PLEKHM3: variants seen among roughly 807,000 people sequenced by gnomAD.
PLEKHM3 encodes the protein pleckstrin homology domain-containing family M member 3.
PLEKHM3 carries 45 observed loss-of-function variants against 81.8 expected under a neutral mutation model. The observed-to-expected ratio is 0.55, with a 90% CI of 0.43 to 0.71. PLEKHM3 has a LOEUF of 0.71. Among genes scored for constraint, PLEKHM3 ranks in the 30% least tolerant of loss-of-function variants. The pLI is 0.00. For synonymous variants in PLEKHM3, 352 were observed against 356.4 expected (o/e 0.99, Z 0.14); for missense variants, 788 against 924.3 (o/e 0.85, Z 1.91).
At chr2:207,928,420 G>C (rs1458504500) in intron 5 of PLEKHM3, among the ~76,000 whole-genome samples, 1 of 152,170 alleles carries the variant, frequency 6.6e-6, no homozygotes, top group Non-Finnish European at 1.5e-5. Context: ...GCTTTTAAGT[G>C]GAATATTTTA....
chr2:207,909,918 C>A (rs895097921), intron 5 of PLEKHM3, among the ~76,000 whole-genome samples: 1 of 152,158 alleles, frequency 6.6e-6, no homozygotes, highest in Non-Finnish European at 1.5e-5. Context: ...ATTGATTAAG[C>A]ACACATTGCA....
chr2:207,904,211 T>A (rs994322293), intron 6 of PLEKHM3, among the ~76,000 whole-genome samples: 2 of 152,206 alleles, frequency 1.3e-5, no homozygotes, highest in African/African-American at 2.4e-5. Context: ...AGCAGTACCT[T>A]CTGTTAAAGT....
chr2:207,977,778 C>G (rs1574462665), intron 2 of PLEKHM3, among the ~76,000 whole-genome samples, 192 bp from the exon 3 acceptor site: 1 of 152,166 alleles, frequency 6.6e-6, no homozygotes. Context: ...CCGGGGAAAT[C>G]TCGAGTCTAA....
In PLEKHM3 at chr2:207,921,020, C is replaced by G. The variant is rs192097794; in HGVS notation, c.1886+9906G>C. On this transcript the variant is annotated intron_variant, in intron 5 of 7. Coordinates refer to ENST00000427836, the MANE Select transcript of PLEKHM3 (RefSeq NM_001080475.3). ...AGTGTAGCATCTTAGAGTCATAGTT[C>G]CATTCCTTCCCTCCCTCCCTCCTTC... 3.5e-3 allele frequency among the ~76,000 whole-genome samples: 534 copies of G among 151,968 alleles called. 3 individuals carry two copies. Among genetic ancestry groups the G allele is most frequent in the African/African-American group, 0.012 (506 of 41,466 alleles).
chr2:207,974,681 G>A (rs1691241760), intron 3 of PLEKHM3, among the ~76,000 whole-genome samples: 1 of 152,102 alleles, frequency 6.6e-6, no homozygotes, highest in South Asian at 2.1e-4. Flanking sequence ...ATATGTACTA[G>A]TATAAGACAC....
chr2:207,853,079 G>A lies in PLEKHM3; in HGVS notation c.2108+8026C>T, dbSNP rs983932071. 2.6e-5 allele frequency among the ~76,000 whole-genome samples: 4 copies of A among 152,264 alleles called. No homozygotes were observed. The South Asian group carries it at 6.2e-4, about 24-fold the overall frequency. ...TCAACTATTTGTGAGCAAGTAGCAT[G>A]CTGTGTTCACTGTTGTCTCCAGAAC... On this transcript the variant is annotated intron_variant, in intron 7 of 7. Coordinates refer to ENST00000427836, the MANE Select transcript of PLEKHM3 (RefSeq NM_001080475.3).
chr2:207,984,053 T>C (rs1471822439), intron 2 of PLEKHM3, among the ~76,000 whole-genome samples: 1 of 152,166 alleles, frequency 6.6e-6, no homozygotes, highest in East Asian at 1.9e-4. Flanking sequence ...CAACATTTCA[T>C]TACAGAAAGT....
intron 2 of PLEKHM3, among the ~76,000 whole-genome samples, chr2:207,997,227 C>T (rs1008602795): frequency 6.6e-6 from 1 of 152,206 alleles, no homozygotes; most frequent in African/African-American, 2.4e-5. Context: ...CCACAGCCCT[C>T]ATTATACCGG....
At chr2:207,989,689 C>T (rs1044118914) in intron 2 of PLEKHM3, among the ~76,000 whole-genome samples, 1 of 152,170 alleles carries the variant, frequency 6.6e-6, no homozygotes, top group Non-Finnish European at 1.5e-5. Flanking sequence ...ACTGTTGGGG[C>T]CTGAGGAGAC....
At chr2:207,911,928 T>G (rs531436481) in intron 5 of PLEKHM3, among the ~76,000 whole-genome samples, 1 of 152,342 alleles carries the variant, frequency 6.6e-6, no homozygotes, top group African/African-American at 2.4e-5. Flanking sequence ...TTTAAAATTC[T>G]AAAACTTTTA....
intron 1 of PLEKHM3, among the ~76,000 whole-genome samples, chr2:208,019,084 G>T (rs1693029550): frequency 6.6e-6 from 1 of 151,964 alleles, no homozygotes; most frequent in South Asian, 2.1e-4. Flanking sequence ...AGGACTGCTG[G>T]AGGCTAGGGG....
At chr2:207,859,136 C>CTTTTTTTTT (rs371493664) in intron 7 of PLEKHM3, among the ~76,000 whole-genome samples, 6 of 118,344 alleles carry the variant, frequency 5.1e-5, no homozygotes, top group East Asian at 2.3e-4. Context: ...TTTTCTTTTT[C>CTTTTTTTTT]TTTTTTTTTT....
intron 6 of PLEKHM3, among the ~76,000 whole-genome samples, chr2:207,897,932 T>G (rs116645601): frequency 0.013 from 2,044 of 152,314 alleles, 55 homozygotes; most frequent in African/African-American, 0.046. Flanking sequence ...TCCTAATGTT[T>G]GCATTGCTGC....
At chr2:207,994,314 G>C (rs1181574725) in intron 2 of PLEKHM3, among the ~76,000 whole-genome samples, 4 of 152,108 alleles carry the variant, frequency 2.6e-5, no homozygotes, top group African/African-American at 9.7e-5. Context: ...GTAATTCTGA[G>C]ATGTTAAGAC....
At chr2:207,923,302 G>GA (rs967676336) in intron 5 of PLEKHM3, among the ~76,000 whole-genome samples, 13 of 151,718 alleles carry the variant, frequency 8.6e-5, no homozygotes, top group African/African-American at 1.9e-4. Flanking sequence ...GTATTAAAAT[G>GA]AAAAAAAAGA....
At chr2:207,916,008 A>T (rs1688981362) in intron 5 of PLEKHM3, among the ~76,000 whole-genome samples, 1 of 152,212 alleles carries the variant, frequency 6.6e-6, no homozygotes, top group East Asian at 1.9e-4. Context: ...CTGGACGTGG[A>T]CAGGATTCGT....
chr2:207,901,075 GAGGGGCTCGAGTTGGCTCCTGGAATCC>G (rs1172648924), intron 6 of PLEKHM3: 1 of 593,904 alleles, frequency 1.7e-6, no homozygotes, highest in African/African-American at 1.9e-5. Context: ...GTCTCTACCT[GAGGGGCTCGAGTTGGCTCCTGGAATCC>G]TTATCTCAAC....
chr2:207,834,072 T>A (rs1281775691), intron 7 of PLEKHM3, among the ~76,000 whole-genome samples: 1 of 152,070 alleles, frequency 6.6e-6, no homozygotes, highest in East Asian at 1.9e-4. Flanking sequence ...TCAATATCAG[T>A]GACGCAATGC....
chr2:207,889,007 C>T (rs1364531486), intron 6 of PLEKHM3, among the ~76,000 whole-genome samples: 2 of 152,220 alleles, frequency 1.3e-5, no homozygotes, highest in Non-Finnish European at 2.9e-5. Flanking sequence ...GTTCCACACT[C>T]TACCTATAAA....
Sources: gnomAD v4.1 joint callset for allele counts (sites outside exome capture counted in the v4.1 genomes callset) on GRCh38, gnomAD v4.1.1 for gene constraint, MANE v1.5 for transcripts, NCBI Gene and HGNC (gene_info 2026-07-23, HGNC 2026-07-21) for gene names.